Variants in SV2C observed in about 807,000 individuals in gnomAD.
SV2C encodes synaptic vesicle glycoprotein 2C, also known as solute carrier family 22 member B3.
Under a neutral mutation model 79.7 loss-of-function variants are expected in SV2C, and 49 were observed. The observed-to-expected ratio is 0.61, with a 90% CI of 0.49 to 0.78. The LOEUF (loss-of-function observed/expected upper bound fraction) is 0.78. Among genes scored for constraint, SV2C ranks in the 30% least tolerant of loss-of-function variants. SV2C has a pLI of 0.00. For missense variants in SV2C, 833 were observed against 912.9 expected, an observed-to-expected ratio of 0.91 and a Z score of 1.13; for synonymous variants, 334 against 333.2, an observed-to-expected ratio of 1.00 and a Z score of -0.03.
intron 1 of SV2C, among the ~76,000 whole-genome samples, chr5:76,115,304 T>A (rs1306351211): frequency 6.6e-6 from 1 of 152,272 alleles, no homozygotes; most frequent in African/African-American, 2.4e-5. Context: ...TAGGAATATC[T>A]AATTTATAGA....
At chr5:76,143,115 C>T (rs1172643357) in intron 2 of SV2C, among the ~76,000 whole-genome samples, 4 of 151,974 alleles carry the variant, frequency 2.6e-5, no homozygotes, top group African/African-American at 2.4e-5. Context: ...AGGATGGTCT[C>T]GATATCCTGA....
chr5:75,890,185 G>C, the SV2C span, among the ~76,000 whole-genome samples: 1 of 152,058 alleles, frequency 6.6e-6, no homozygotes, highest in Non-Finnish European at 1.5e-5. Flanking sequence ...AAATTGTGAA[G>C]GAAAATGAAG....
intron 12 of SV2C, among the ~76,000 whole-genome samples, chr5:76,309,549 G>A (rs887636616): frequency 6.1e-5 from 8 of 131,460 alleles, no homozygotes; most frequent in South Asian, 2.5e-4. Flanking sequence ...GCAGTGAGCC[G>A]AGATCGCACC....
the SV2C span, among the ~76,000 whole-genome samples, chr5:76,002,386 A>G: frequency 6.6e-6 from 1 of 152,108 alleles, no homozygotes; most frequent in Non-Finnish European, 1.5e-5. Flanking sequence ...TCTGCTGCTC[A>G]CTTGTGACAG....
chr5:75,928,353 G>A, the SV2C span, among the ~76,000 whole-genome samples: 6 of 152,198 alleles, frequency 3.9e-5, no homozygotes, highest in Non-Finnish European at 8.8e-5. Context: ...GGAAACTGCA[G>A]AAATGTTGGG....
At chr5:76,033,872 A>G in the SV2C span, among the ~76,000 whole-genome samples, 4 of 151,376 alleles carry the variant, frequency 2.6e-5, no homozygotes, top group South Asian at 2.1e-4. Context: ...GATTCTTCCT[A>G]CCCATGAGCA....
the SV2C span, among the ~76,000 whole-genome samples, chr5:76,072,686 T>C: frequency 6.6e-6 from 1 of 152,194 alleles, no homozygotes; most frequent in Non-Finnish European, 1.5e-5. Flanking sequence ...ATCTCCACAT[T>C]TTTTCCATAG....
chr5:76,259,629 G>T (rs1746400304), intron 4 of SV2C, among the ~76,000 whole-genome samples: 1 of 150,190 alleles, frequency 6.7e-6, no homozygotes, highest in Admixed American at 6.7e-5. Flanking sequence ...CCTCAGTTGT[G>T]ATGTTCCCCC....
At chr5:75,911,010 C>G in the SV2C span, 9 of 1,037,516 alleles carry the variant, frequency 8.7e-6, no homozygotes, top group Non-Finnish European at 1.1e-5. Flanking sequence ...ACCTCACCTA[C>G]TAGTCCCTCT....
At chr5:76,109,266 T>C (rs1748022678) in intron 1 of SV2C, among the ~76,000 whole-genome samples, 2 of 152,050 alleles carry the variant, frequency 1.3e-5, no homozygotes, top group Non-Finnish European at 2.9e-5. Context: ...ATCAGAAGAG[T>C]TGCAAAGGGC....
At chr5:76,270,685 C>T (rs1350401538) in intron 4 of SV2C, among the ~76,000 whole-genome samples, 2 of 152,156 alleles carry the variant, frequency 1.3e-5, no homozygotes, top group Non-Finnish European at 2.9e-5. Context: ...CTCAAACGAG[C>T]AGATGCGAAG....
chr5:76,062,228 G>A, the SV2C span, among the ~76,000 whole-genome samples: 1 of 152,038 alleles, frequency 6.6e-6, no homozygotes, highest in African/African-American at 2.4e-5. Context: ...ATTGAAATTT[G>A]ATTGCCAATG....
intron 10 of SV2C, among the ~76,000 whole-genome samples, chr5:76,299,459 A>G (rs890445608): frequency 3.3e-5 from 5 of 152,204 alleles, no homozygotes; most frequent in Non-Finnish European, 5.9e-5. Context: ...TTTTCACAGT[A>G]GCTGAGGCTT....
chr5:76,026,640 A>G, the SV2C span, among the ~76,000 whole-genome samples: 1 of 152,252 alleles, frequency 6.6e-6, no homozygotes, highest in Non-Finnish European at 1.5e-5. Flanking sequence ...ATCAATCACT[A>G]GAGAGCTAGA....
rs991053218 is a variant in SV2C, at chr5:76,095,193, T to C, written c.-102+11681T>C. Among the ~76,000 whole-genome samples, 39 of 152,132 alleles carry C rather than the reference T, an allele frequency of 2.6e-4. 1 individual carries two copies. The highest frequency in any genetic ancestry group is 2.3e-3 in the Admixed American group (35 of 15,274). ...TATTTTTGAGTGGTTTATAGAAAAA[T>C]TGAAAATAAAGTACAGAGTTCCCAG... is the stretch of plus-strand genomic sequence containing the variant. On this transcript the variant is annotated intron_variant, in intron 1 of 12. Transcript: ENST00000502798.
the SV2C span, among the ~76,000 whole-genome samples, chr5:76,004,771 A>G: frequency 7.2e-5 from 11 of 152,180 alleles, no homozygotes; most frequent in East Asian, 5.8e-4. Context: ...AATGCATTTT[A>G]TACATTAGGA....
chr5:76,238,640 C>T (rs1334329308), intron 4 of SV2C, among the ~76,000 whole-genome samples: 1 of 152,134 alleles, frequency 6.6e-6, no homozygotes, highest in Non-Finnish European at 1.5e-5. Context: ...CACAGTCAGG[C>T]GTTCTAGCAG....
the SV2C span, among the ~76,000 whole-genome samples, chr5:76,028,202 T>A: frequency 2.0e-5 from 3 of 152,148 alleles, no homozygotes; most frequent in African/African-American, 7.2e-5. Flanking sequence ...CCCATATTTG[T>A]TTTTGTCTCT....
intron 12 of SV2C, among the ~76,000 whole-genome samples, chr5:76,342,722 C>A (rs757581264): frequency 6.6e-6 from 1 of 152,194 alleles, no homozygotes; most frequent in Non-Finnish European, 1.5e-5. Context: ...GGCCTCAATT[C>A]CTCATCTGTA....
Sources: allele counts gnomAD v4.1 joint callset (sites outside exome capture counted in the v4.1 genomes callset), GRCh38; gene constraint gnomAD v4.1.1; transcripts MANE v1.5; gene names NCBI Gene and HGNC (gene_info 2026-07-23, HGNC 2026-07-21).